The following LSAMP variants were observed in gnomAD, a reference collection of about 807,000 sequenced individuals.
LSAMP encodes limbic system-associated membrane protein.
LSAMP carries 7 observed loss-of-function variants against 38.6 expected under a neutral mutation model. The ratio of observed to expected loss-of-function variants is 0.18; its 90% confidence interval spans 0.10 to 0.34. The LOEUF is 0.34. LSAMP is among the 10% of genes least tolerant of loss of function. The probability of loss-of-function intolerance (pLI) is 1.00; values close to 1 mark genes in which losing one functional copy is unlikely to be tolerated. For synonymous variants in LSAMP, 154 were observed against 166.8 expected, an observed-to-expected ratio of 0.92 and a Z score of 0.59; for missense variants, 313 against 420.0, an observed-to-expected ratio of 0.75 and a Z score of 2.23.
intron 1 of LSAMP, among the ~76,000 whole-genome samples, chr3:116,113,551 A>G (rs1368268302): frequency 6.9e-6 from 1 of 144,402 alleles, no homozygotes; most frequent in Admixed American, 7.0e-5. Context: ...TCAGCCTCCC[A>G]AGTAGCTGGG....
chr3:116,039,774 G>C (rs1941126287), intron 2 of LSAMP, among the ~76,000 whole-genome samples: 1 of 152,186 alleles, frequency 6.6e-6, no homozygotes, highest in Non-Finnish European at 1.5e-5. Flanking sequence ...CTGCGTGAGA[G>C]AGATAAAAGT....
At position 116,140,330 on chromosome 3, in the gene LSAMP, G is replaced by GT. The variant is rs113473227; in HGVS notation, c.156-53775dup. Among the ~76,000 whole-genome samples the GT allele has an allele frequency of 2.5e-3, 380 of 150,676 alleles. 2 individuals are homozygous for GT. The highest frequency in any genetic ancestry group is 4.4e-3 in the Non-Finnish European group (297 of 67,450). On this transcript the variant is annotated intron_variant, in intron 1 of 6. Coordinates refer to ENST00000490035, the MANE Select transcript of LSAMP (RefSeq NM_002338.5). The stretch of plus-strand genomic sequence containing the variant: ...CTTCGATTCTAGAGACACCAGACTT[G>GT]TTTTTTTTTATGGGGCCATATTTTA...
chr3:116,385,813 T>C (rs1391617333), intron 1 of LSAMP, among the ~76,000 whole-genome samples: 13 of 152,258 alleles, frequency 8.5e-5, no homozygotes, highest in African/African-American at 2.6e-4. Context: ...GTGTTTTATA[T>C]AAGCCAAAGA....
At chr3:116,061,424 A>G (rs1430805294) in intron 2 of LSAMP, among the ~76,000 whole-genome samples, 1 of 124,850 alleles carries the variant, frequency 8.0e-6, no homozygotes, top group Non-Finnish European at 1.7e-5. Flanking sequence ...ATTATCCTCC[A>G]TGCATGGGCA....
chr3:116,419,581 G>T (rs1026749143), intron 1 of LSAMP, among the ~76,000 whole-genome samples: 1 of 152,156 alleles, frequency 6.6e-6, no homozygotes, highest in Non-Finnish European at 1.5e-5. Flanking sequence ...CAAAGATAAG[G>T]AAGATCTAAA....
At chr3:116,117,658 A>G (rs755216132) in intron 1 of LSAMP, among the ~76,000 whole-genome samples, 35 of 151,956 alleles carry the variant, frequency 2.3e-4, no homozygotes, top group Non-Finnish European at 4.3e-4. Flanking sequence ...GATAACTTTG[A>G]TAGTTTTGAG....
chr3:115,810,295 T>A lies in LSAMP; in HGVS notation c.*22A>T. ...GACGCATTTTTGTGTGTTTTTTAAA[T>A]TATTTTTAAATTTTTATTCTATTAA... On this transcript the variant is annotated 3_prime_UTR_variant, in exon 7 of 7. Transcript: ENST00000490035. 6.6e-7 allele frequency: 1 copy of A among 1,514,930 alleles called. No individual in the cohort carries two copies. The highest frequency in any genetic ancestry group is 9.0e-7 in the Non-Finnish European group (1 of 1,112,734). 93.8% of individuals were successfully genotyped at this position (1,514,930 alleles called of 1,614,324 possible). A position where few individuals can be genotyped will look rare whatever the true frequency, so the allele number is the denominator to read the frequency against.
In LSAMP at chr3:115,806,081, T is replaced by A. The variant is rs562971943; in HGVS notation, c.*4236A>T. On this transcript the variant is annotated 3_prime_UTR_variant, in exon 7 of 7. Transcript: ENST00000490035. ...AGACTAAATGCAGGCTAAAAGTGTA[T>A]GAGGATGAAAAGAAAAATGAGGACA... The A allele has an allele frequency of 7.9e-5, 12 of 152,268 alleles. No homozygotes were observed. In the South Asian group the frequency reaches 2.5e-3, roughly 32 times the overall value. 9.4% of individuals were successfully genotyped at this position (152,268 alleles called of 1,614,324 possible). A position where few individuals can be genotyped will look rare whatever the true frequency, so the allele number is the denominator to read the frequency against.
At chr3:116,019,738 A>C (rs1940586157) in intron 2 of LSAMP, 98 bp from the exon 3 acceptor site, 3 of 1,322,664 alleles carry the variant, frequency 2.3e-6, no homozygotes, top group Admixed American at 3.6e-5. Flanking sequence ...TTTATAACTT[A>C]ATTTGAATTT....
At chr3:116,045,869 G>T (rs1271567067) in intron 2 of LSAMP, among the ~76,000 whole-genome samples, 1 of 152,160 alleles carries the variant, frequency 6.6e-6, no homozygotes, top group Non-Finnish European at 1.5e-5. Context: ...ACATTTCAAT[G>T]TAAATGGCAT....
At chr3:116,437,184 T>C (rs1287976607) in intron 1 of LSAMP, among the ~76,000 whole-genome samples, 1 of 151,896 alleles carries the variant, frequency 6.6e-6, no homozygotes, top group Non-Finnish European at 1.5e-5. Context: ...CATCATATGT[T>C]CTCACTGATA....
chr3:116,302,724 A>C (rs1457767616), intron 1 of LSAMP, among the ~76,000 whole-genome samples: 1 of 152,218 alleles, frequency 6.6e-6, no homozygotes, highest in Non-Finnish European at 1.5e-5. Context: ...CTATAATGGC[A>C]TTTGTGCATG....
intron 1 of LSAMP, among the ~76,000 whole-genome samples, chr3:116,159,332 G>A (rs575228838): frequency 9.2e-5 from 14 of 152,196 alleles, no homozygotes; most frequent in Admixed American, 6.5e-4. Context: ...TATAGAATGG[G>A]AGTAAATATT....
chr3:116,208,978 G>T lies in LSAMP; in HGVS notation c.156-122422C>A, dbSNP rs954546249. ...GTTTACCTAAGCAAGCCTGGGCAAT[G>T]GCAGGCGCCCCTCCCGGAGCCTCGC... On this transcript the variant is annotated intron_variant, in intron 1 of 6. Transcript: ENST00000490035. Among the ~76,000 whole-genome samples the T allele has an allele frequency of 2.2e-4, 33 of 152,232 alleles. 1 individual carries two copies. Among genetic ancestry groups the T allele is most frequent in the African/African-American group, 7.5e-4 (31 of 41,464 alleles).
At chr3:116,404,077 A>G (rs2048873497) in intron 1 of LSAMP, among the ~76,000 whole-genome samples, 1 of 152,112 alleles carries the variant, frequency 6.6e-6, no homozygotes, top group Non-Finnish European at 1.5e-5. Flanking sequence ...AGGGGGAAGT[A>G]TTTTTCCCCT....
At chr3:116,240,815 C>G (rs59598576) in intron 1 of LSAMP, among the ~76,000 whole-genome samples, 1 of 152,174 alleles carries the variant, frequency 6.6e-6, no homozygotes, top group Non-Finnish European at 1.5e-5. Flanking sequence ...CAAATAATAG[C>G]ATTAAATAAC....
At chr3:115,858,340 T>A (rs887472554) in intron 3 of LSAMP, among the ~76,000 whole-genome samples, 2 of 152,078 alleles carry the variant, frequency 1.3e-5, no homozygotes, top group Admixed American at 6.5e-5. Context: ...GAATTAAAAA[T>A]TTTTTTACAG....
chr3:116,109,147 A>G (rs1264836041), intron 1 of LSAMP, among the ~76,000 whole-genome samples: 5 of 152,146 alleles, frequency 3.3e-5, no homozygotes, highest in East Asian at 1.9e-4. Context: ...GAGCCTAAAC[A>G]CTATCTGATT....
intron 3 of LSAMP, among the ~76,000 whole-genome samples, chr3:115,927,760 C>T (rs748273778): frequency 9.2e-5 from 14 of 152,104 alleles, no homozygotes; most frequent in East Asian, 1.9e-4. Context: ...TCCAGAAGGC[C>T]GCCTGGCCCC....
Sources: allele counts gnomAD v4.1 joint callset (sites outside exome capture counted in the v4.1 genomes callset), GRCh38; gene constraint gnomAD v4.1.1; transcripts MANE v1.5; gene names NCBI Gene and HGNC (gene_info 2026-07-23, HGNC 2026-07-21).